PCM1: variants seen among roughly 807,000 people sequenced by gnomAD.
The protein encoded by PCM1 is pericentriolar material 1 protein.
In PCM1, 157 loss-of-function variants were observed where a neutral mutation model predicts 241.9. The ratio of observed to expected loss-of-function variants is 0.65; its 90% CI spans 0.57 to 0.74. The LOEUF is 0.74. Among genes scored for constraint, PCM1 ranks in the 30% least tolerant of loss-of-function variants. PCM1 has a pLI of 0.00. For missense variants in PCM1, 3,478 were observed against 2,360.1 expected, an observed-to-expected ratio of 1.47 and a Z score of -9.81; for synonymous variants, 1,085 against 784.9, an observed-to-expected ratio of 1.38 and a Z score of -6.39.
At chr8:17,980,426 T>G (rs2080303832) in intron 23 of PCM1, 165 bp from the exon 24 acceptor site, 1 of 490,860 alleles carries the variant, frequency 2.0e-6, no homozygotes, top group South Asian at 4.7e-5. Context: ...CAAAGGGTAT[T>G]GCAAAGATAC....
At chr8:17,956,570 T>G (rs749661461) in intron 10 of PCM1, 34 bp from the exon 11 acceptor site, 1 of 1,345,140 alleles carries the variant, frequency 7.4e-7, no homozygotes, top group South Asian at 1.3e-5. Context: ...CTAAAATGGG[T>G]GTAAATCGTA....
At chr8:18,021,484 G>GACTT (rs1276694399) in intron 36 of PCM1, among the ~76,000 whole-genome samples, 2 of 152,126 alleles carry the variant, frequency 1.3e-5, no homozygotes, top group East Asian at 1.9e-4. Context: ...GATAGATTGG[G>GACTT]ACTTACCCTT....
rs368260898 is a variant in PCM1, at chr8:17,930,298, T to C, written c.-22-5291T>C. Among the ~76,000 whole-genome samples the C allele has an allele frequency of 8.4e-4, 127 of 151,678 alleles. No homozygotes were observed. In the East Asian group the frequency reaches 0.022, roughly 26 times the overall value. On this transcript the variant is annotated intron_variant, in intron 2 of 38. Coordinates refer to ENST00000325083, the MANE Select transcript of PCM1 (RefSeq NM_006197.4). ...TGTATTTTTAGTAGAGGTGACAGGG[T>C]TTCACCGTGTTAGCCAGGATGGTCT...
At chr8:18,013,892 A>C in intron 34 of PCM1, 72 bp from the exon 35 acceptor site, 1 of 846,898 alleles carries the variant, frequency 1.2e-6, no homozygotes, top group Non-Finnish European at 1.8e-6. Flanking sequence ...CAAAAACTAC[A>C]CACTAGTAAT....
rs371857756 is a variant in PCM1 at position 17,993,580 on chromosome 8, A to C, written c.4788A>C (p.Gln1596His). The change falls in exon 29 of 39, where the codon CAA (glutamine) becomes CAC (histidine). Residue 1596 changes from glutamine to histidine, a missense_variant. By Grantham distance (24) the Gln-to-His change is conservative. Coordinates refer to ENST00000325083, the MANE Select transcript of PCM1 (RefSeq NM_006197.4). ...PRIDTQQLDR[Q>H]IKAIMKEVIP... ...TTGATACTCAGCAGCTGGACCGGCA[A>C]ATTAAAGCAATTATGAAAGAAGTCA... The C allele has an allele frequency of 4.4e-6, 7 of 1,593,934 alleles. No homozygotes were observed. Among genetic ancestry groups the C allele is most frequent in the South Asian group, 1.1e-5 (1 of 87,680 alleles).
At chr8:17,971,020 C>G (rs775034912) in intron 22 of PCM1, among the ~76,000 whole-genome samples, 19 of 152,218 alleles carry the variant, frequency 1.2e-4, no homozygotes, top group Non-Finnish European at 2.5e-4. Context: ...AGCCATTCAT[C>G]TGTGACAGTT....
At chr8:17,946,783 C>A (rs946992445) in intron 6 of PCM1, among the ~76,000 whole-genome samples, 3 of 151,630 alleles carry the variant, frequency 2.0e-5, no homozygotes, top group African/African-American at 7.3e-5. Flanking sequence ...ACTTTCAGGT[C>A]ATTAACCCAG....
intron 8 of PCM1, among the ~76,000 whole-genome samples, chr8:17,952,346 G>A (rs576642416): frequency 6.6e-6 from 1 of 152,310 alleles, no homozygotes; most frequent in South Asian, 2.1e-4. Flanking sequence ...GAAGGCAAGA[G>A]AGAGAATGAG....
At position 17,938,766 on chromosome 8, in the gene PCM1, T is replaced by G. The variant is rs745626811; in HGVS notation, c.369T>G (p.Gly123=). 3 of 1,612,016 alleles carry G rather than the reference T, an allele frequency of 1.9e-6. No individual in the cohort carries two copies. In the South Asian group the frequency reaches 3.3e-5, roughly 18 times the overall value. The change falls in exon 5 of 39, where the codon GGT becomes GGG. Residue 123 remains glycine, a synonymous_variant. Transcript: ENST00000325083. ...GAAGCATTGGAAGTGATTCCCAAGG[T>G]AGAGCAACAGCTGCTAACAACAAAC... is the stretch of plus-strand genomic sequence containing the variant. ...DQRSIGSDSQ[G]RATAANNKRQ...
At chr8:18,026,480 C>T (rs1303719152) in intron 38 of PCM1, among the ~76,000 whole-genome samples, 3 of 151,364 alleles carry the variant, frequency 2.0e-5, no homozygotes, top group African/African-American at 4.9e-5. Flanking sequence ...CAGATGGTCT[C>T]GATCTCCTGA....
In PCM1 at chr8:18,014,046, C is replaced by T. The variant is rs949981825; in HGVS notation, c.5584+10C>T. 7.0e-7 allele frequency: 1 copy of T among 1,436,052 alleles called. No homozygotes were observed. The highest frequency in any genetic ancestry group is 9.6e-7 in the Non-Finnish European group (1 of 1,042,096). 89.0% of individuals were successfully genotyped at this position (1,436,052 alleles called of 1,614,324 possible). On this transcript the variant is annotated intron_variant, in intron 35 of 38. Transcript: ENST00000325083. ...GAAGCCACTAGTAAAAGTAAGAAAT[C>T]TAAATAAGTCTTTGATTTTAAGATA...
At position 17,984,970 on chromosome 8, in the gene PCM1, A is replaced by G. The variant is rs1207704606; in HGVS notation, c.4109-477A>G. Among the ~76,000 whole-genome samples the G allele has an allele frequency of 3.3e-5, 5 of 152,058 alleles. No homozygotes were observed. In the East Asian group the frequency reaches 7.7e-4, roughly 23 times the overall value. ...TGAGATTTGATAATTAGTAGACTATACTGGATAGACCTTAATCTAGTAGCT... is the reference window on the plus strand; with the variant it reads ...TGAGATTTGATAATTAGTAGACTATGCTGGATAGACCTTAATCTAGTAGCT... On this transcript the variant is annotated intron_variant, in intron 24 of 38. Coordinates refer to ENST00000325083, the MANE Select transcript of PCM1 (RefSeq NM_006197.4).
intron 24 of PCM1, among the ~76,000 whole-genome samples, chr8:17,984,753 G>A (rs944236292): frequency 6.6e-6 from 1 of 151,900 alleles, no homozygotes. Flanking sequence ...TTATCAACAA[G>A]TAAATTTAGC....
At chr8:18,021,152 T>G (rs946286436) in intron 36 of PCM1, among the ~76,000 whole-genome samples, 2 of 152,172 alleles carry the variant, frequency 1.3e-5, no homozygotes, top group East Asian at 3.9e-4. Context: ...TCTTAAAGGT[T>G]GCAAATTTCA....
intron 8 of PCM1, 36 bp from the exon 9 acceptor site, chr8:17,952,934 C>G (rs376306141): frequency 3.2e-5 from 42 of 1,303,206 alleles, no homozygotes; most frequent in South Asian, 3.0e-4. Context: ...TTGCGTTAGT[C>G]TTAATTCTTC....
chr8:18,012,868 A>C (rs796558536), intron 34 of PCM1, among the ~76,000 whole-genome samples: 2 of 152,116 alleles, frequency 1.3e-5, no homozygotes, highest in Non-Finnish European at 2.9e-5. Context: ...TTCAGCTGTC[A>C]TATTTTTAAC....
chr8:17,998,550 G>C (rs1217840524), intron 29 of PCM1, among the ~76,000 whole-genome samples: 1 of 152,172 alleles, frequency 6.6e-6, no homozygotes, highest in African/African-American at 2.4e-5. Context: ...GAGCTGGATG[G>C]AGATGGGGTG....
intron 24 of PCM1, among the ~76,000 whole-genome samples, chr8:17,984,765 G>T (rs374656223): frequency 1.3e-5 from 2 of 151,866 alleles, no homozygotes; most frequent in African/African-American, 4.8e-5. Context: ...AAATTTAGCC[G>T]AATTGTAGCT....
intron 34 of PCM1, among the ~76,000 whole-genome samples, chr8:18,012,870 A>G (rs1315700348): frequency 6.6e-6 from 1 of 152,072 alleles, no homozygotes; most frequent in Non-Finnish European, 1.5e-5. Context: ...CAGCTGTCAT[A>G]TTTTTAACTT....
Sources: gnomAD v4.1 joint callset for allele counts (sites outside exome capture counted in the v4.1 genomes callset) on GRCh38, gnomAD v4.1.1 for gene constraint, MANE v1.5 for transcripts, NCBI Gene and HGNC (gene_info 2026-07-23, HGNC 2026-07-21) for gene names.